The following TMEM232 variants were observed in gnomAD, a reference collection of about 807,000 sequenced individuals.
The protein encoded by TMEM232 is transmembrane protein 232.
TMEM232 carries 80 observed loss-of-function variants against 78.8 expected under a neutral mutation model. The ratio of observed to expected loss-of-function variants is 1.01; its 90% CI spans 0.85 to 1.22. TMEM232 has a LOEUF of 1.22. TMEM232 is among the 50% of genes most tolerant of loss of function. The pLI is 0.00. For synonymous variants in TMEM232, 297 were observed against 254.3 expected (o/e 1.17, Z -1.60); for missense variants, 881 against 742.2 (o/e 1.19, Z -2.17).
chr5:110,535,578 AAAAAT>A (rs1269529077), intron 11 of TMEM232, among the ~76,000 whole-genome samples: 1 of 152,202 alleles, frequency 6.6e-6, no homozygotes, highest in African/African-American at 2.4e-5. Flanking sequence ...TTCATTGTAG[AAAAAT>A]AAAATGTTAA....
chr5:110,471,483 A>G (rs1464042476), intron 12 of TMEM232, among the ~76,000 whole-genome samples: 4 of 152,140 alleles, frequency 2.6e-5, no homozygotes, highest in African/African-American at 9.6e-5. Flanking sequence ...GTCAAAGACA[A>G]TGAGAGGATT....
At chr5:110,618,704 G>A (rs761903861) in intron 7 of TMEM232, 142 bp from the exon 8 acceptor site, 4 of 922,404 alleles carry the variant, frequency 4.3e-6, no homozygotes, top group Non-Finnish European at 3.1e-6. Context: ...TCACCAAGTG[G>A]AGCAATTTAC....
intron 12 of TMEM232, among the ~76,000 whole-genome samples, chr5:110,452,211 T>C (rs1760376973): frequency 6.6e-6 from 1 of 152,166 alleles, no homozygotes; most frequent in South Asian, 2.1e-4. Flanking sequence ...ATTGATTTTA[T>C]AGTAAACAGA....
chr5:110,558,563 C>G (rs561358284), intron 11 of TMEM232, among the ~76,000 whole-genome samples: 259 of 152,136 alleles, frequency 1.7e-3, no homozygotes, highest in African/African-American at 5.8e-3. Flanking sequence ...AGGCAGGGAC[C>G]TGGGGAGAGG....
intron 11 of TMEM232, among the ~76,000 whole-genome samples, chr5:110,566,448 C>T (rs962818121): frequency 2.0e-5 from 3 of 151,864 alleles, no homozygotes; most frequent in Non-Finnish European, 4.4e-5. Flanking sequence ...TGCTCTGCTT[C>T]CTCTTGAAGA....
chr5:110,597,886 T>A (rs903841522), intron 10 of TMEM232, among the ~76,000 whole-genome samples: 1 of 152,168 alleles, frequency 6.6e-6, no homozygotes, highest in African/African-American at 2.4e-5. Flanking sequence ...AAGAGTTAAA[T>A]GTTAGACCTA....
intron 12 of TMEM232, among the ~76,000 whole-genome samples, chr5:110,508,131 C>A (rs1561589350): frequency 6.6e-6 from 1 of 152,042 alleles, no homozygotes; most frequent in Non-Finnish European, 1.5e-5. Context: ...CCAAGGGGAT[C>A]ACTTGACATT....
At chr5:110,405,694 T>C (rs1485312302) in intron 2 of TMEM232, among the ~76,000 whole-genome samples, 1 of 144,674 alleles carries the variant, frequency 6.9e-6, no homozygotes, top group Non-Finnish European at 1.5e-5. Flanking sequence ...AACTCAAAGA[T>C]GGATCAATAT....
chr5:110,527,359 A>T (rs765804192), intron 12 of TMEM232, among the ~76,000 whole-genome samples: 4 of 151,948 alleles, frequency 2.6e-5, no homozygotes, highest in Non-Finnish European at 5.9e-5. Context: ...GGCAAATACA[A>T]CATATTTTCA....
At chr5:110,541,606 T>G (rs1248777772) in intron 11 of TMEM232, among the ~76,000 whole-genome samples, 1 of 152,136 alleles carries the variant, frequency 6.6e-6, no homozygotes, top group Non-Finnish European at 1.5e-5. Context: ...GCTTCAATCC[T>G]CTGGAAAAGT....
At chr5:110,637,554 T>C (rs1333123966) in intron 5 of TMEM232, among the ~76,000 whole-genome samples, 3 of 151,366 alleles carry the variant, frequency 2.0e-5, no homozygotes, top group African/African-American at 7.3e-5. Context: ...GTTTCATTCA[T>C]ATATATATGA....
At position 110,667,328 on chromosome 5, in the gene TMEM232, G is replaced by A. The variant is rs1272104527; in HGVS notation, c.25C>T (p.Pro9Ser). Reference sequence around the variant, plus strand: ...ATGCCTCCACATGTATTAATCATAGGTGATTTGTTAACAGGCATATTCATA... The same window carrying A: ...ATGCCTCCACATGTATTAATCATAGATGATTTGTTAACAGGCATATTCATA... MNMPVNKS[P>S]MINTCGGISS... Residue 9 changes from proline (P) to serine (S), a missense_variant, in exon 2 of 14, where the codon CCT becomes TCT. By Grantham distance (74) the Pro-to-Ser change is moderately conservative (BLOSUM62 -1). Transcript: ENST00000455884. The A allele has an allele frequency of 1.3e-6, 2 of 1,529,906 alleles. No homozygotes were observed. The highest frequency in any genetic ancestry group is 1.8e-6 in the Non-Finnish European group (2 of 1,133,776). The allele number at this position is 1,529,906 out of a possible 1,614,324, so 94.8% of individuals were successfully genotyped here.
chr5:110,652,030 T>C (rs565568651), intron 2 of TMEM232, among the ~76,000 whole-genome samples: 54 of 152,240 alleles, frequency 3.5e-4, no homozygotes, highest in Middle Eastern at 6.8e-3. Flanking sequence ...ATGTACTTTG[T>C]TTTACAAGAA....
intron 2 of TMEM232, among the ~76,000 whole-genome samples, chr5:110,414,475 A>G (rs757050901): frequency 6.6e-6 from 1 of 152,204 alleles, no homozygotes; most frequent in African/African-American, 2.4e-5. Context: ...CAGTTCATAT[A>G]TATGTTGCAA....
At chr5:110,552,051 G>A (rs2149617525) in intron 11 of TMEM232, among the ~76,000 whole-genome samples, 1 of 152,114 alleles carries the variant, frequency 6.6e-6, no homozygotes, top group East Asian at 1.9e-4. Flanking sequence ...AGAAAGAAAT[G>A]AAGAATAAGA....
chr5:110,670,510 A>G (rs898139408), intron 1 of TMEM232, among the ~76,000 whole-genome samples: 2 of 152,206 alleles, frequency 1.3e-5, no homozygotes, highest in African/African-American at 4.8e-5. Context: ...AGAACATTCC[A>G]TGCTCATGGA....
Position 110,680,375 on chromosome 5 carries a change from C to A in TMEM232, c.-12-13011G>T, listed in dbSNP as rs534792151. ...CTGTGCCACTGCACTCCAGCCTAGG[C>A]AACAGAGTGAGACTCTATCTCAAAA... On this transcript the variant is annotated intron_variant, in intron 1 of 13. Transcript: ENST00000455884. 1.6e-4 allele frequency among the ~76,000 whole-genome samples: 19 copies of A among 117,494 alleles called. No homozygotes were observed. In the East Asian group the frequency reaches 4.8e-3, roughly 29 times the overall value. The allele number at this position is 117,494 out of a possible 152,430, so 77.1% of individuals were successfully genotyped here. A position where few individuals can be genotyped will look rare whatever the true frequency, so the allele number is the denominator to read the frequency against.
intron 13 of TMEM232, 55 bp downstream of exon 13, chr5:110,424,768 A>T (rs1757059350): frequency 6.1e-6 from 8 of 1,321,144 alleles, no homozygotes; most frequent in Non-Finnish European, 8.4e-6. Context: ...TTATCATTTA[A>T]AGTGCTTTTA....
chr5:110,615,878 T>G (rs556322848), intron 8 of TMEM232, among the ~76,000 whole-genome samples: 1 of 151,822 alleles, frequency 6.6e-6, no homozygotes, highest in Non-Finnish European at 1.5e-5. Flanking sequence ...GAAGATATTA[T>G]GAAAACAATC....
Sources: gnomAD v4.1 joint callset for allele counts (sites outside exome capture counted in the v4.1 genomes callset) on GRCh38, gnomAD v4.1.1 for gene constraint, MANE v1.5 for transcripts, NCBI Gene and HGNC (gene_info 2026-07-23, HGNC 2026-07-21) for gene names.